KHDRBS3: variants seen among roughly 807,000 people sequenced by gnomAD.
The protein encoded by KHDRBS3 is KH domain-containing, RNA-binding, signal transduction-associated protein 3.
In KHDRBS3, 23 loss-of-function variants were observed where a neutral mutation model predicts 45.6. That is an observed-to-expected ratio of 0.50 (90% CI 0.36 to 0.72). The LOEUF (loss-of-function observed/expected upper bound fraction) is 0.72, where lower values mean the gene tolerates loss of function less well. Among genes scored for constraint, KHDRBS3 ranks in the 30% least tolerant of loss-of-function variants. The probability of loss-of-function intolerance (pLI) is 0.00; values close to 1 mark genes in which losing one functional copy is unlikely to be tolerated. For missense variants in KHDRBS3, 352 were observed against 424.8 expected (o/e 0.83, Z 1.51); for synonymous variants, 162 against 156.5 (o/e 1.04, Z -0.26).
Position 135,566,668 on chromosome 8 carries a change from T to A in KHDRBS3, c.611+9081T>A, listed in dbSNP as rs532646799. ...CCATGAGTTTGTGACCAGCATGGGCTGTATAGTGAGACTTTATCTTTACAA... is the reference window on the plus strand; with the variant it reads ...CCATGAGTTTGTGACCAGCATGGGCAGTATAGTGAGACTTTATCTTTACAA... On this transcript the variant is annotated intron_variant, in intron 5 of 8. Coordinates refer to ENST00000355849, the MANE Select transcript of KHDRBS3 (RefSeq NM_006558.3). Among the ~76,000 whole-genome samples the A allele has an allele frequency of 2.0e-5, 3 of 152,184 alleles. 1 individual carries two copies. The highest frequency in any genetic ancestry group is 2.0e-4 in the Admixed American group (3 of 15,272).
At chr8:135,514,888 C>G (rs1824491147) in intron 1 of KHDRBS3, among the ~76,000 whole-genome samples, 1 of 152,140 alleles carries the variant, frequency 6.6e-6, no homozygotes, top group Non-Finnish European at 1.5e-5. Flanking sequence ...TTAAGTCAAA[C>G]ACACAGCCCT....
At chr8:135,569,506 A>T (rs748770315) in intron 5 of KHDRBS3, among the ~76,000 whole-genome samples, 3 of 152,216 alleles carry the variant, frequency 2.0e-5, no homozygotes, top group Non-Finnish European at 2.9e-5. Flanking sequence ...CTAAGTTTGG[A>T]TTGTCTTGAG....
intron 1 of KHDRBS3, among the ~76,000 whole-genome samples, chr8:135,461,366 G>A (rs1821423736): frequency 1.3e-5 from 2 of 152,188 alleles, no homozygotes; most frequent in Admixed American, 6.5e-5. Context: ...GCCTCCCAAA[G>A]TGCTGGGATT....
At chr8:135,615,328 A>G (rs1445582174) in intron 7 of KHDRBS3, among the ~76,000 whole-genome samples, 3 of 148,948 alleles carry the variant, frequency 2.0e-5, no homozygotes, top group African/African-American at 2.6e-5. Context: ...TGTTTATTAT[A>G]GTTATTATAT....
intron 1 of KHDRBS3, among the ~76,000 whole-genome samples, chr8:135,473,943 C>T (rs548270179): frequency 1.3e-5 from 2 of 152,304 alleles, no homozygotes; most frequent in East Asian, 3.9e-4. Flanking sequence ...TTCTTGCTTG[C>T]TGCTGCTGAT....
intron 4 of KHDRBS3, among the ~76,000 whole-genome samples, chr8:135,554,341 A>T (rs541743483): frequency 1.9e-4 from 29 of 152,300 alleles, no homozygotes; most frequent in African/African-American, 6.5e-4. Context: ...ACAATTTAGT[A>T]TTACACCTCC....
intron 2 of KHDRBS3, among the ~76,000 whole-genome samples, chr8:135,528,828 AG>A (rs923709209): frequency 3.9e-5 from 6 of 152,202 alleles, no homozygotes; most frequent in African/African-American, 1.4e-4. Flanking sequence ...TAATTACCTT[AG>A]CCCTTTTAAA....
At chr8:135,535,270 T>C (rs1466899263) in intron 2 of KHDRBS3, among the ~76,000 whole-genome samples, 1 of 138,736 alleles carries the variant, frequency 7.2e-6, no homozygotes, top group African/African-American at 2.6e-5. Context: ...CTATTATATA[T>C]AGTTAAACTA....
chr8:135,531,139 A>G (rs973390206), intron 2 of KHDRBS3, among the ~76,000 whole-genome samples: 3 of 152,126 alleles, frequency 2.0e-5, no homozygotes, highest in African/African-American at 4.8e-5. Context: ...TTCAGATTGT[A>G]TATTACTTGC....
At chr8:135,518,753 T>TA (rs1824754274) in intron 1 of KHDRBS3, among the ~76,000 whole-genome samples, 1 of 147,016 alleles carries the variant, frequency 6.8e-6, no homozygotes, top group Non-Finnish European at 1.5e-5. Context: ...AGCTCATTGA[T>TA]ACCATTGGTG....
chr8:135,573,364 A>G (rs1827798029), intron 5 of KHDRBS3, among the ~76,000 whole-genome samples: 1 of 152,234 alleles, frequency 6.6e-6, no homozygotes, highest in Non-Finnish European at 1.5e-5. Context: ...GTAAAATGAG[A>G]ACTGACATGA....
In KHDRBS3 at chr8:135,542,907, C is replaced by G. The variant is rs954769116; in HGVS notation, c.324+137C>G. 5.0e-6 allele frequency: 3 copies of G among 600,306 alleles called. No homozygotes were observed. In the East Asian group the frequency reaches 8.3e-5, roughly 17 times the overall value. The allele number at this position is 600,306 out of a possible 1,614,324, so 37.2% of individuals were successfully genotyped here. A position where few individuals can be genotyped will look rare whatever the true frequency, so the allele number is the denominator to read the frequency against. The stretch of plus-strand genomic sequence containing the variant: ...GTTTAGAAAATTGAGTCACTCTGGT[C>G]AGCTTCAGAATATGTAGTAACTTAA... On this transcript the variant is annotated intron_variant, in intron 3 of 8. Transcript: ENST00000355849.
intron 1 of KHDRBS3, among the ~76,000 whole-genome samples, chr8:135,495,348 G>A (rs544140285): frequency 6.6e-6 from 1 of 152,208 alleles, no homozygotes; most frequent in East Asian, 1.9e-4. Flanking sequence ...TCATTATTAT[G>A]GGGCAAGCTA....
chr8:135,559,364 A>T (rs1827056231), intron 5 of KHDRBS3, among the ~76,000 whole-genome samples: 1 of 152,052 alleles, frequency 6.6e-6, no homozygotes, highest in African/African-American at 2.4e-5. Flanking sequence ...TTATTTATTT[A>T]TTTTTTGAGA....
At chr8:135,573,251 C>T (rs1758786169) in intron 5 of KHDRBS3, among the ~76,000 whole-genome samples, 1 of 152,186 alleles carries the variant, frequency 6.6e-6, no homozygotes, top group Non-Finnish European at 1.5e-5. Context: ...CATTGTTCTA[C>T]CTGCTGTACG....
At chr8:135,550,345 GT>G (rs1826526460) in intron 4 of KHDRBS3, among the ~76,000 whole-genome samples, 1 of 152,056 alleles carries the variant, frequency 6.6e-6, no homozygotes, top group Non-Finnish European at 1.5e-5. Context: ...ATTTTCTACT[GT>G]TTTATTTTAA....
chr8:135,612,079 A>G lies in KHDRBS3; in HGVS notation c.890+5042A>G, dbSNP rs576036390. Among the ~76,000 whole-genome samples, 5 of 151,910 alleles carry G rather than the reference A, an allele frequency of 3.3e-5. No homozygotes were observed. In the South Asian group the frequency reaches 8.3e-4, roughly 25 times the overall value. ...ATTCAAGTTTAAAAATGTTATTCCC[A>G]AATTCAGAGAAGTGAAGTTCCTCAT... On this transcript the variant is annotated intron_variant, in intron 7 of 8. Coordinates refer to ENST00000355849, the MANE Select transcript of KHDRBS3 (RefSeq NM_006558.3).
intron 1 of KHDRBS3, among the ~76,000 whole-genome samples, chr8:135,506,701 T>G (rs769919008): frequency 3.3e-5 from 5 of 151,866 alleles, no homozygotes; most frequent in Non-Finnish European, 5.9e-5. Context: ...TGCACCTGGC[T>G]GAACTTAAAA....
intron 2 of KHDRBS3, among the ~76,000 whole-genome samples, chr8:135,524,001 A>G (rs146982366): frequency 2.0e-3 from 310 of 152,012 alleles, no homozygotes; most frequent in African/African-American, 7.1e-3. Flanking sequence ...TCTTATTTTA[A>G]TGAGTGATAC....
Sources: allele counts gnomAD v4.1 joint callset (sites outside exome capture counted in the v4.1 genomes callset), GRCh38; gene constraint gnomAD v4.1.1; transcripts MANE v1.5; gene names NCBI Gene and HGNC (gene_info 2026-07-23, HGNC 2026-07-21).